The following AXDND1 variants were observed in gnomAD, a reference collection of about 807,000 sequenced individuals.
AXDND1 encodes axonemal dynein light chain domain-containing protein 1.
Under a neutral mutation model 137.5 loss-of-function variants are expected in AXDND1, and 110 were observed. That is an observed-to-expected ratio of 0.80 (90% CI 0.69 to 0.94). The LOEUF (loss-of-function observed/expected upper bound fraction) is 0.94, where lower values mean the gene tolerates loss of function less well. Ranked by LOEUF, AXDND1 falls within the 40% of genes least tolerant of loss-of-function variation. The pLI is 0.00. For synonymous variants in AXDND1, 414 were observed against 399.7 expected (o/e 1.04, Z -0.43); for missense variants, 1,191 against 1,169.8 (o/e 1.02, Z -0.26).
intron 16 of AXDND1, among the ~76,000 whole-genome samples, chr1:179,460,755 A>G (rs889588438): frequency 2.0e-5 from 3 of 152,188 alleles, no homozygotes; most frequent in Non-Finnish European, 4.4e-5. Flanking sequence ...AACTGGTGTG[A>G]GATGGTATCT....
Position 179,413,275 on chromosome 1 carries a change from C to A in AXDND1, c.1230+2009C>A, listed in dbSNP as rs139341902. Among the ~76,000 whole-genome samples the A allele has an allele frequency of 5.2e-3, 789 of 151,970 alleles. 8 individuals carry two copies. Among genetic ancestry groups the A allele is most frequent in the African/African-American group, 0.018 (746 of 41,420 alleles). On this transcript the variant is annotated intron_variant, in intron 12 of 25. Transcript: ENST00000367618. ...AAATTTTATTTTAGATTCAGGGGTA[C>A]GTGTGCAGGATAGCTACATGGATAT...
intron 12 of AXDND1, among the ~76,000 whole-genome samples, chr1:179,418,394 T>C (rs1024182087): frequency 5.9e-5 from 9 of 152,230 alleles, no homozygotes; most frequent in African/African-American, 2.2e-4. Context: ...TACTTCTTTC[T>C]ACACAGACAC....
At chr1:179,394,066 A>G in intron 10 of AXDND1, 23 bp downstream of exon 10, 1 of 1,568,952 alleles carries the variant, frequency 6.4e-7, no homozygotes, top group Admixed American at 2.0e-5. Flanking sequence ...ATTATCTTAA[A>G]CACAAAACAA....
chr1:179,502,849 A>G (rs1222127070), intron 20 of AXDND1, among the ~76,000 whole-genome samples: 2 of 151,690 alleles, frequency 1.3e-5, no homozygotes, highest in African/African-American at 4.8e-5. Context: ...TAATCCCAGC[A>G]CTTTGGGAGG....
chr1:179,406,011 T>C (rs1558131568), intron 11 of AXDND1, among the ~76,000 whole-genome samples: 1 of 152,142 alleles, frequency 6.6e-6, no homozygotes. Context: ...TGTTTATTAA[T>C]ATGAACTTCC....
rs779575035 is a variant in AXDND1, at chr1:179,488,634, CCTTTCTTTCTTTCTTTCTTTCTT to C, written c.2092-2903_2092-2881del. ...TTTCTTTCTTTCTCTCTCTCTCTCT[CCTTTCTTTCTTTCTTTCTTTCTT>C]TCTTTCTTTCTTTCTTTCTTTCTTT... is the stretch of plus-strand genomic sequence containing the variant. On this transcript the variant is annotated intron_variant, in intron 18 of 25. Coordinates refer to ENST00000367618, the MANE Select transcript of AXDND1 (RefSeq NM_144696.6). Among the ~76,000 whole-genome samples, 601 of 105,252 alleles carry C rather than the reference CCTTTCTTTCTTTCTTTCTTTCTT, an allele frequency of 5.7e-3. 35 individuals carry two copies. Among genetic ancestry groups the C allele is most frequent in the Admixed American group, 7.4e-3 (76 of 10,208 alleles). 69.0% of individuals were successfully genotyped at this position (105,252 alleles called of 152,430 possible).
chr1:179,366,884 A>G (rs1346580382), intron 2 of AXDND1, among the ~76,000 whole-genome samples: 39 of 152,144 alleles, frequency 2.6e-4, no homozygotes, highest in Non-Finnish European at 5.9e-5. Context: ...ATAGTTACGT[A>G]TTTTTTGGTT....
chr1:179,490,600 T>C (rs1308618457), intron 18 of AXDND1, among the ~76,000 whole-genome samples: 2 of 152,208 alleles, frequency 1.3e-5, no homozygotes, highest in Non-Finnish European at 2.9e-5. Flanking sequence ...GTACTACACA[T>C]ACATTGAAAG....
chr1:179,421,304 T>G (rs2125269962), intron 12 of AXDND1, among the ~76,000 whole-genome samples: 1 of 151,790 alleles, frequency 6.6e-6, no homozygotes, highest in East Asian at 1.9e-4. Context: ...ATTTGGGGTC[T>G]TTTGTGGTTC....
intron 19 of AXDND1, among the ~76,000 whole-genome samples, chr1:179,492,009 C>A (rs143840624): frequency 1.4e-3 from 220 of 152,284 alleles, no homozygotes; most frequent in Non-Finnish European, 2.5e-3. Flanking sequence ...AAATAAGACA[C>A]ATCTTACACT....
At position 179,541,670 on chromosome 1, in the gene AXDND1, TGCATAATAATA is replaced by T. The variant is rs1672167536; in HGVS notation, c.3031+6709_3031+6719del. Among the ~76,000 whole-genome samples, 8 of 136,224 alleles carry T rather than the reference TGCATAATAATA, an allele frequency of 5.9e-5. 1 individual carries two copies. In the South Asian group the frequency reaches 1.8e-3, roughly 31 times the overall value. 89.4% of individuals were successfully genotyped at this position (136,224 alleles called of 152,430 possible). The stretch of plus-strand genomic sequence containing the variant: ...TATGCATAATATATGCATGATAATA[TGCATAATAATA>T]TTGCATGATAATATGCATGATAATA... On this transcript the variant is annotated intron_variant, in intron 25 of 25. Coordinates refer to ENST00000367618, the MANE Select transcript of AXDND1 (RefSeq NM_144696.6).
At chr1:179,386,466 A>G (rs986982051) in intron 9 of AXDND1, among the ~76,000 whole-genome samples, 9 of 151,678 alleles carry the variant, frequency 5.9e-5, no homozygotes, top group African/African-American at 2.2e-4. Flanking sequence ...GTGGCTTTAT[A>G]GTTTTCATCA....
At chr1:179,521,002 C>T (rs1670010712) in intron 21 of AXDND1, among the ~76,000 whole-genome samples, 1 of 151,568 alleles carries the variant, frequency 6.6e-6, no homozygotes, top group African/African-American at 2.4e-5. Context: ...TACTCTGTCA[C>T]CCAGGCTGGA....
At chr1:179,468,694 T>C (rs1004145363) in intron 17 of AXDND1, 53 bp downstream of exon 17, 1 of 1,352,778 alleles carries the variant, frequency 7.4e-7, no homozygotes, top group Non-Finnish European at 1.0e-6. Context: ...AAAGGTTTGT[T>C]GCAATACACT....
At chr1:179,421,335 T>C (rs1488739869) in intron 12 of AXDND1, among the ~76,000 whole-genome samples, 1 of 146,668 alleles carries the variant, frequency 6.8e-6, no homozygotes, top group Non-Finnish European at 1.5e-5. Context: ...CCTTCCTTCC[T>C]TTCTTCCTTC....
chr1:179,393,222 G>A (rs890772342), intron 9 of AXDND1, among the ~76,000 whole-genome samples: 16 of 152,182 alleles, frequency 1.1e-4, no homozygotes, highest in Admixed American at 3.3e-4. Flanking sequence ...GTTGAAAAGG[G>A]TGTCCTTTCC....
At chr1:179,514,340 A>G (rs371195744) in intron 21 of AXDND1, among the ~76,000 whole-genome samples, 29 of 152,298 alleles carry the variant, frequency 1.9e-4, no homozygotes, top group African/African-American at 7.0e-4. Flanking sequence ...ATGATCATTC[A>G]GGAGCAGGTT....
chr1:179,465,702 T>C (rs751929867), intron 16 of AXDND1, among the ~76,000 whole-genome samples: 1 of 152,246 alleles, frequency 6.6e-6, no homozygotes, highest in Non-Finnish European at 1.5e-5. Flanking sequence ...TTTGTTCAGC[T>C]ATGCCCTGCC....
intron 25 of AXDND1, among the ~76,000 whole-genome samples, chr1:179,540,642 G>C (rs1448243951): frequency 1.3e-5 from 2 of 152,188 alleles, no homozygotes; most frequent in Admixed American, 1.3e-4. Flanking sequence ...CCAACTGGGA[G>C]GTATCTCCCA....
Sources: allele counts gnomAD v4.1 joint callset (sites outside exome capture counted in the v4.1 genomes callset), GRCh38; gene constraint gnomAD v4.1.1; transcripts MANE v1.5; gene names NCBI Gene and HGNC (gene_info 2026-07-23, HGNC 2026-07-21).